The following RBPMS variants were observed in gnomAD, a reference collection of about 807,000 sequenced individuals.
RBPMS encodes RNA binding protein, mRNA processing factor.
A neutral mutation model predicts 26.8 loss-of-function variants in RBPMS; 7 were observed. That is an observed-to-expected ratio of 0.26 (90% CI 0.15 to 0.49). RBPMS has a LOEUF of 0.49. RBPMS is among the 20% of genes least tolerant of loss of function. The pLI, the probability that RBPMS is intolerant of heterozygous loss-of-function variation, is 0.98. For missense variants in RBPMS, 186 were observed against 250.0 expected (o/e 0.74, Z 1.73); for synonymous variants, 96 against 93.3 (o/e 1.03, Z -0.17).
In RBPMS at chr8:30,549,353, C is replaced by T. The variant is rs148442369; in HGVS notation, c.528+4729C>T. The T allele has an allele frequency of 1.1e-3, 759 of 683,880 alleles. 11 individuals are homozygous for T. In the East Asian group the frequency reaches 0.02, roughly 18 times the overall value. 42.4% of individuals were successfully genotyped at this position (683,880 alleles called of 1,614,324 possible). A position where few individuals can be genotyped will look rare whatever the true frequency, so the allele number is the denominator to read the frequency against. The stretch of plus-strand genomic sequence containing the variant: ...AAGGTATATACTGTCTGCTCCAGAG[C>T]TGTGGCTGTGGCTATCCGGAAAACG... On this transcript the variant is annotated intron_variant, in intron 6 of 8. Coordinates refer to ENST00000397323, the MANE Select transcript of RBPMS (RefSeq NM_001008710.3).
chr8:30,408,285 T>G (rs1267467685), intron 1 of RBPMS, among the ~76,000 whole-genome samples: 1 of 152,116 alleles, frequency 6.6e-6, no homozygotes, highest in Non-Finnish European at 1.5e-5. Context: ...ATCCAGCACT[T>G]TAGGAGGCTG....
At chr8:30,545,455 A>G (rs1825794302) in intron 6 of RBPMS, 2 of 1,006,896 alleles carry the variant, frequency 2.0e-6, no homozygotes, top group Non-Finnish European at 2.4e-6. Flanking sequence ...ATGACCAGTA[A>G]CAAATAGAAA....
intron 1 of RBPMS, among the ~76,000 whole-genome samples, chr8:30,434,703 CGA>C (rs1491147468): frequency 3.9e-4 from 46 of 116,792 alleles, no homozygotes; most frequent in Middle Eastern, 4.1e-3. Flanking sequence ...GACTCTGCCT[CGA>C]AAAAAAAAAA....
chr8:30,549,804 T>TCTCTCTCC (rs1383466717), intron 6 of RBPMS, among the ~76,000 whole-genome samples: 13 of 102,814 alleles, frequency 1.3e-4, no homozygotes, highest in African/African-American at 6.0e-4. Context: ...CTCCCCTCTC[T>TCTCTCTCC]CCTCTCTCTC....
intron 5 of RBPMS, among the ~76,000 whole-genome samples, chr8:30,517,189 C>CGTGTGTGTGTGTGTGTGTGT (rs56327512): frequency 2.3e-5 from 3 of 132,474 alleles, no homozygotes; most frequent in Admixed American, 7.8e-5. Context: ...GCCAAGACCC[C>CGTGTGTGTGTGTGTGTGTGT]GTGTGTGTGT....
intron 5 of RBPMS, among the ~76,000 whole-genome samples, chr8:30,529,125 G>A (rs1008854366): frequency 6.6e-6 from 1 of 151,930 alleles, no homozygotes; most frequent in African/African-American, 2.4e-5. Context: ...GAGGCTGAGC[G>A]GGAAAATCGC....
At chr8:30,556,930 C>T (rs1308992528) in intron 6 of RBPMS, 1 of 248,090 alleles carries the variant, frequency 4.0e-6, no homozygotes, top group Non-Finnish European at 6.4e-6. Flanking sequence ...TCTGAACACA[C>T]TTCTAATTTC....
chr8:30,451,154 A>G (rs185866371), intron 1 of RBPMS, among the ~76,000 whole-genome samples: 1 of 152,306 alleles, frequency 6.6e-6, no homozygotes, highest in East Asian at 1.9e-4. Context: ...GCTCTGTAGT[A>G]GAAGTAGGTG....
At chr8:30,442,278 C>T (rs1813174295) in intron 1 of RBPMS, among the ~76,000 whole-genome samples, 1 of 152,122 alleles carries the variant, frequency 6.6e-6, no homozygotes, top group Non-Finnish European at 1.5e-5. Context: ...AAACTTAAGC[C>T]AAAATATGAA....
chr8:30,495,307 G>T (rs1819822604), intron 4 of RBPMS, among the ~76,000 whole-genome samples: 1 of 150,580 alleles, frequency 6.6e-6, no homozygotes. Context: ...AAATTCAAGG[G>T]GTTAAAAATC....
intron 1 of RBPMS, among the ~76,000 whole-genome samples, chr8:30,423,526 A>C (rs972105014): frequency 2.0e-5 from 3 of 151,370 alleles, no homozygotes; most frequent in African/African-American, 7.3e-5. Flanking sequence ...GGGGCCATCT[A>C]TTGTAGGAGT....
chr8:30,509,008 T>C (rs1401351376), intron 5 of RBPMS, among the ~76,000 whole-genome samples: 1 of 152,180 alleles, frequency 6.6e-6, no homozygotes, highest in Non-Finnish European at 1.5e-5. Context: ...TCTGCAGTAA[T>C]GAAGATTCCT....
At chr8:30,416,071 C>T (rs1314642835) in intron 1 of RBPMS, among the ~76,000 whole-genome samples, 2 of 152,104 alleles carry the variant, frequency 1.3e-5, no homozygotes, top group Admixed American at 6.6e-5. Flanking sequence ...TTTCCCAATA[C>T]CCTAGTGGTT....
chr8:30,484,069 C>T (rs193091323), intron 4 of RBPMS, among the ~76,000 whole-genome samples: 83 of 152,278 alleles, frequency 5.5e-4, no homozygotes, highest in African/African-American at 1.8e-3. Context: ...GTGTAAGTAT[C>T]TGAATCTGTT....
chr8:30,549,783 TCTCTCTCTCTCTCCCCTCTCTCC>T (rs1826171643), intron 6 of RBPMS, among the ~76,000 whole-genome samples: 1 of 109,640 alleles, frequency 9.1e-6, no homozygotes, highest in Non-Finnish European at 1.9e-5. Context: ...TCTCTCTCTC[TCTCTCTCTCTCTCCCCTCTCTCC>T]TCTCTCTCTC....
intron 7 of RBPMS, among the ~76,000 whole-genome samples, chr8:30,562,520 G>A (rs2151090100): frequency 6.6e-6 from 1 of 152,214 alleles, no homozygotes; most frequent in African/African-American, 2.4e-5. Flanking sequence ...AGTTAGACTA[G>A]CTCAGTGCGG....
chr8:30,478,037 C>A (rs1327476116), intron 3 of RBPMS, among the ~76,000 whole-genome samples, 200 bp downstream of exon 3: 1 of 152,134 alleles, frequency 6.6e-6, no homozygotes, highest in African/African-American at 2.4e-5. Flanking sequence ...CAGGGACTGT[C>A]CCAGAGGAAG....
intron 1 of RBPMS, among the ~76,000 whole-genome samples, chr8:30,438,590 C>T (rs375985231): frequency 1.3e-5 from 2 of 152,148 alleles, no homozygotes; most frequent in Non-Finnish European, 2.9e-5. Flanking sequence ...AGCTCTTATT[C>T]TAACACACTG....
At chr8:30,393,612 G>T (rs994260240) in intron 1 of RBPMS, among the ~76,000 whole-genome samples, 1 of 152,008 alleles carries the variant, frequency 6.6e-6, no homozygotes, top group Admixed American at 6.6e-5. Flanking sequence ...CCACTGCCTG[G>T]GTTCAAGCAA....
Sources: gnomAD v4.1 joint callset for allele counts (sites outside exome capture counted in the v4.1 genomes callset) on GRCh38, gnomAD v4.1.1 for gene constraint, MANE v1.5 for transcripts, NCBI Gene and HGNC (gene_info 2026-07-23, HGNC 2026-07-21) for gene names.